The following MGAT4C variants were observed in gnomAD, a reference collection of about 807,000 sequenced individuals.
MGAT4C encodes the protein alpha-1,3-mannosyl-glycoprotein 4-beta-N-acetylglucosaminyltransferase C.
Under a neutral mutation model 40.1 loss-of-function variants are expected in MGAT4C, and 19 were observed. The observed-to-expected ratio is 0.47, with a 90% CI of 0.33 to 0.70. The LOEUF (loss-of-function observed/expected upper bound fraction) is 0.70. Among genes scored for constraint, MGAT4C ranks in the 30% least tolerant of loss-of-function variants. The pLI, the probability that MGAT4C is intolerant of heterozygous loss-of-function variation, is 0.02. For missense variants in MGAT4C, 491 were observed against 563.2 expected (o/e 0.87, Z 1.30); for synonymous variants, 181 against 187.1 (o/e 0.97, Z 0.27).
intron 1 of MGAT4C, among the ~76,000 whole-genome samples, chr12:86,729,962 G>T (rs938699666): frequency 1.1e-4 from 17 of 151,898 alleles, no homozygotes; most frequent in African/African-American, 3.1e-4. Flanking sequence ...TCATTTTTTT[G>T]ATATTAATCA....
chr12:86,713,318 T>C (rs1423995244), intron 2 of MGAT4C, among the ~76,000 whole-genome samples: 1 of 152,054 alleles, frequency 6.6e-6, no homozygotes, highest in Non-Finnish European at 1.5e-5. Flanking sequence ...TTCTTTTTTC[T>C]CCCAAATGAC....
At chr12:86,773,393 A>C (rs1360428983) in intron 1 of MGAT4C, among the ~76,000 whole-genome samples, 2 of 152,120 alleles carry the variant, frequency 1.3e-5, no homozygotes, top group African/African-American at 4.8e-5. Context: ...CCCTGTTGAC[A>C]CCTTGATCTT....
chr12:86,824,563 G>T (rs1952766965), intron 1 of MGAT4C, among the ~76,000 whole-genome samples: 1 of 151,174 alleles, frequency 6.6e-6, no homozygotes, highest in South Asian at 2.1e-4. Flanking sequence ...CCCTGCAGAT[G>T]AGATGGAACT....
rs375183823 is a variant in MGAT4C, at chr12:86,741,848, T to C, written c.-261-14607A>G. ...GAATACTAAATATAATAAAGAACTATCATGAACAGTAGAATTTATTTAACT... is the reference window on the plus strand; with the variant it reads ...GAATACTAAATATAATAAAGAACTACCATGAACAGTAGAATTTATTTAACT... On this transcript the variant is annotated intron_variant, in intron 1 of 7. Coordinates refer to the MGAT4C transcript ENST00000548651. Among the ~76,000 whole-genome samples, 6 of 151,548 alleles carry C rather than the reference T, an allele frequency of 4.0e-5. No individual in the cohort carries two copies. The East Asian group carries it at 7.8e-4, about 20-fold the overall frequency.
intron 1 of MGAT4C, among the ~76,000 whole-genome samples, chr12:86,187,762 A>G (rs1888932081): frequency 6.6e-6 from 1 of 151,240 alleles, no homozygotes; most frequent in Non-Finnish European, 1.5e-5. Flanking sequence ...AAAAAAAAAA[A>G]ATGTCATTTT....
Position 85,984,554 on chromosome 12 carries a change from TTC to T in MGAT4C, c.148-886_148-885del, listed in dbSNP as rs1885001166. 2.0e-5 allele frequency among the ~76,000 whole-genome samples: 3 copies of T among 152,186 alleles called. No homozygotes were observed. In the South Asian group the frequency reaches 6.2e-4, roughly 31 times the overall value. Reference sequence around the variant, plus strand: ...TATATCCTTTACCCACTAATTGCCCTTCTTTGATATAAGCTAAATGGTAAATT... The same window carrying T: ...TATATCCTTTACCCACTAATTGCCCTTTTGATATAAGCTAAATGGTAAATT... On this transcript the variant is annotated intron_variant, in intron 3 of 4. Coordinates refer to ENST00000611864, the MANE Select transcript of MGAT4C (RefSeq NM_001351288.2).
intron 2 of MGAT4C, among the ~76,000 whole-genome samples, chr12:86,491,881 G>A (rs1404122655): frequency 6.6e-6 from 1 of 152,130 alleles, no homozygotes; most frequent in African/African-American, 2.4e-5. Flanking sequence ...CGACATGACT[G>A]TATATCTAGA....
chr12:86,482,594 C>A (rs1487726828), intron 2 of MGAT4C, among the ~76,000 whole-genome samples: 3 of 151,922 alleles, frequency 2.0e-5, no homozygotes, highest in Admixed American at 6.6e-5. Context: ...TATTTATTCT[C>A]GAGAAAGTAT....
intron 2 of MGAT4C, among the ~76,000 whole-genome samples, chr12:86,711,984 G>C (rs982958589): frequency 6.6e-6 from 1 of 152,066 alleles, no homozygotes; most frequent in East Asian, 1.9e-4. Flanking sequence ...ATTTTAAATG[G>C]AGAGGATTTC....
chr12:86,669,300 C>T (rs1030196104), intron 2 of MGAT4C, among the ~76,000 whole-genome samples: 9 of 152,140 alleles, frequency 5.9e-5, no homozygotes, highest in Non-Finnish European at 1.3e-4. Flanking sequence ...CCCCACCTTT[C>T]CTGTGCAGAG....
intron 2 of MGAT4C, among the ~76,000 whole-genome samples, chr12:86,716,606 C>A (rs955981953): frequency 1.3e-5 from 2 of 151,974 alleles, no homozygotes; most frequent in Non-Finnish European, 2.9e-5. Context: ...TAATAGTTTG[C>A]CAATTGATTC....
chr12:86,468,934 A>G (rs368211403), intron 2 of MGAT4C, among the ~76,000 whole-genome samples: 7 of 151,998 alleles, frequency 4.6e-5, no homozygotes, highest in South Asian at 2.1e-4. Context: ...GATTCTGTCA[A>G]TTCCCTCTAG....
chr12:86,547,312 C>T (rs777400833), intron 2 of MGAT4C, among the ~76,000 whole-genome samples: 1 of 152,004 alleles, frequency 6.6e-6, no homozygotes, highest in Non-Finnish European at 1.5e-5. Flanking sequence ...TTCCTCCCCC[C>T]TTCCTCTTCC....
chr12:86,356,791 C>T (rs1311321324), intron 3 of MGAT4C, among the ~76,000 whole-genome samples: 1 of 151,956 alleles, frequency 6.6e-6, no homozygotes, highest in Non-Finnish European at 1.5e-5. Flanking sequence ...TTGGCCATTG[C>T]TGAGGATTGA....
chr12:85,958,002 C>T lies in MGAT4C; in HGVS notation c.*21287G>A, dbSNP rs1373289113. The T allele has an allele frequency of 6.6e-6, 1 of 150,976 alleles. No individual in the cohort carries two copies. Among genetic ancestry groups the T allele is most frequent in the African/African-American group, 2.4e-5 (1 of 41,186 alleles). 9.4% of individuals were successfully genotyped at this position (150,976 alleles called of 1,614,324 possible). ...TTACAAGTCACCATTCTTCCAAATA[C>T]AAGACTGAATTGTTTACAGTTTTTC... On this transcript the variant is annotated 3_prime_UTR_variant, in exon 5 of 5. Transcript: ENST00000611864.
chr12:86,377,756 C>T (rs1441005381), intron 3 of MGAT4C, among the ~76,000 whole-genome samples: 2 of 152,062 alleles, frequency 1.3e-5, no homozygotes, highest in Non-Finnish European at 2.9e-5. Context: ...AGTGATATGA[C>T]TACACTCACA....
At chr12:86,095,856 A>G (rs1344153730) in intron 1 of MGAT4C, among the ~76,000 whole-genome samples, 1 of 151,856 alleles carries the variant, frequency 6.6e-6, no homozygotes. Flanking sequence ...TCCATTTTAT[A>G]TTGACTATTA....
At chr12:86,673,008 A>G (rs1397451204) in intron 2 of MGAT4C, among the ~76,000 whole-genome samples, 1 of 152,188 alleles carries the variant, frequency 6.6e-6, no homozygotes, top group Admixed American at 6.5e-5. Context: ...TAAAAGACAC[A>G]TAGATGTAAT....
chr12:86,335,507 C>T (rs1288892584), intron 3 of MGAT4C, among the ~76,000 whole-genome samples: 2 of 152,028 alleles, frequency 1.3e-5, no homozygotes, highest in African/African-American at 2.4e-5. Flanking sequence ...TCACTAATAT[C>T]CTCTGGTAGA....
Sources: allele counts gnomAD v4.1 joint callset (sites outside exome capture counted in the v4.1 genomes callset), GRCh38; gene constraint gnomAD v4.1.1; transcripts MANE v1.5; gene names NCBI Gene and HGNC (gene_info 2026-07-23, HGNC 2026-07-21).